ZSWIM9: variants seen among roughly 807,000 people sequenced by gnomAD.
ZSWIM9 encodes uncharacterized protein ZSWIM9.
In ZSWIM9, 11 loss-of-function variants were observed where a neutral mutation model predicts 25.0. The observed-to-expected ratio is 0.44, with a 90% CI of 0.28 to 0.73. The LOEUF (loss-of-function observed/expected upper bound fraction) is 0.73, where lower values mean the gene tolerates loss of function less well. ZSWIM9 is among the 30% of genes least tolerant of loss of function. The pLI is 0.16. For missense variants in ZSWIM9, 1,070 were observed against 1,296.5 expected (o/e 0.83, Z 2.68); for synonymous variants, 562 against 582.1 (o/e 0.97, Z 0.50).
intron 3 of ZSWIM9, among the ~76,000 whole-genome samples, chr19:48,187,439 TA>T (rs1479609227): frequency 1.0e-5 from 1 of 99,406 alleles, no homozygotes; most frequent in Non-Finnish European, 1.9e-5. Flanking sequence ...TTATATTATA[TA>T]TATTATATAT....
At chr19:48,184,671 C>T (rs1468837103) in intron 3 of ZSWIM9, among the ~76,000 whole-genome samples, 1 of 152,164 alleles carries the variant, frequency 6.6e-6, no homozygotes, top group Non-Finnish European at 1.5e-5. Context: ...AGGCACTACC[C>T]TAAGTGCTTT....
In ZSWIM9 at chr19:48,197,525, A is replaced by C. The variant is rs904262414; in HGVS notation, c.*698A>C. ...CCCATCGCCTTCTGAAGAGAGAGGG[A>C]GGGCGGGCACTGGGGGTCAGGAGAG... On this transcript the variant is annotated 3_prime_UTR_variant, in exon 4 of 4. Coordinates refer to ENST00000614654, the MANE Select transcript of ZSWIM9 (RefSeq NM_199341.4). 1.1e-5 allele frequency: 5 copies of C among 469,278 alleles called. No homozygotes were observed. Among genetic ancestry groups the C allele is most frequent in the Non-Finnish European group, 7.7e-6 (2 of 258,762 alleles). The allele number at this position is 469,278 out of a possible 1,614,324, so 29.1% of individuals were successfully genotyped here.
Position 48,194,978 on chromosome 19 carries a change from T to G in ZSWIM9, c.914T>G (p.Val305Gly). The change falls in exon 4 of 4, where the codon GTG becomes GGG. Residue 305 changes from valine to glycine, a missense_variant. This residue lies in a region of ZSWIM9 where 184 missense variants were observed against 243.1 expected (regional missense o/e 0.76). Coordinates refer to ENST00000614654, the MANE Select transcript of ZSWIM9 (RefSeq NM_199341.4). The surrounding 1 kb of genome is among the most constrained non-coding windows in gnomAD (Gnocchi z 6.0). The stretch of plus-strand genomic sequence containing the variant: ...GAGGTGGCGGCGCAGTTGCCTGCAG[T>G]GCGCCAGCTGCTGCCCTGCGCGCGC... ...GPEVAAQLPA[V>G]RQLLPCARVQ... 7.5e-7 allele frequency: 1 copy of G among 1,330,996 alleles called. No individual in the cohort carries two copies. The highest frequency in any genetic ancestry group is 9.6e-7 in the Non-Finnish European group (1 of 1,044,308). The allele number at this position is 1,330,996 out of a possible 1,614,324, so 82.4% of individuals were successfully genotyped here.
chr19:48,182,654 G>A lies in ZSWIM9; in HGVS notation c.475G>A (p.Val159Met), dbSNP rs554530073. Reference sequence around the variant, plus strand: ...CACCAACAAGATCTCCAAGCAGTTCGTGGCCCCAGCCGACGTGCGCCGCCT... The same window carrying A: ...CACCAACAAGATCTCCAAGCAGTTCATGGCCCCAGCCGACGTGCGCCGCCT... The part of the protein sequence containing the change: ...RTTNKISKQF[V>M]APADVRRLLS... The change falls in exon 3 of 4, where the codon GTG becomes ATG. Residue 159 changes from valine to methionine, a missense_variant. Val to Met is a conservative substitution (Grantham distance 21). Around this residue, in one of 4 missense-constraint regions of ZSWIM9, gnomAD observed 265 missense variants for 339.0 expected, o/e 0.78. Coordinates refer to ENST00000614654, the MANE Select transcript of ZSWIM9 (RefSeq NM_199341.4). This position sits in a 1 kb window ranked among gnomAD's most constrained non-coding sequence, Gnocchi z 4.6. The A allele has an allele frequency of 4.6e-6, 7 of 1,535,784 alleles. No homozygotes were observed. Among genetic ancestry groups the A allele is most frequent in the South Asian group, 2.4e-5 (2 of 84,056 alleles).
At chr19:48,170,817 G>A (rs1399861937) in intron 1 of ZSWIM9, 103 bp downstream of exon 1, 1 of 166,316 alleles carries the variant, frequency 6.0e-6, no homozygotes, top group Non-Finnish European at 1.3e-5. Context: ...GGGGAGGGGG[G>A]GAGTAGGAGG....
intron 2 of ZSWIM9, among the ~76,000 whole-genome samples, chr19:48,175,923 T>C (rs941544719): frequency 5.9e-5 from 9 of 152,154 alleles, no homozygotes; most frequent in African/African-American, 1.7e-4. Context: ...AATAAATGGG[T>C]AGTCGGGTGC....
chr19:48,184,815 A>C (rs182260646), intron 3 of ZSWIM9, among the ~76,000 whole-genome samples: 1 of 152,322 alleles, frequency 6.6e-6, no homozygotes, highest in East Asian at 1.9e-4. Flanking sequence ...ACAGCTATTT[A>C]GTGACAGAGC....
Position 48,182,324 on chromosome 19 carries a change from T to G in ZSWIM9, c.276-131T>G. On this transcript the variant is annotated intron_variant, in intron 2 of 3. Transcript: ENST00000614654. This position sits in a 1 kb window ranked among gnomAD's most constrained non-coding sequence, Gnocchi z 4.6. ...CTTGCCCCAGGTCACACAGCTGGCA[T>G]ATTCTTAGGGCCCTCTACTCTTCTC... is the stretch of plus-strand genomic sequence containing the variant. The G allele has an allele frequency of 1.3e-6, 1 of 761,446 alleles. No individual in the cohort carries two copies. Among genetic ancestry groups the G allele is most frequent in the East Asian group, 2.7e-5 (1 of 36,916 alleles). 47.2% of individuals were successfully genotyped at this position (761,446 alleles called of 1,614,324 possible). A position where few individuals can be genotyped will look rare whatever the true frequency, so the allele number is the denominator to read the frequency against.
At position 48,182,343 on chromosome 19, in the gene ZSWIM9, T is replaced by A. The variant is rs1398623799; in HGVS notation, c.276-112T>A. On this transcript the variant is annotated intron_variant, in intron 2 of 3. Transcript: ENST00000614654. The surrounding 1 kb of genome is among the most constrained non-coding windows in gnomAD (Gnocchi z 4.6). ...CTGGCATATTCTTAGGGCCCTCTAC[T>A]CTTCTCTATGCCTGAAACAATTCTT... is the stretch of plus-strand genomic sequence containing the variant. The A allele has an allele frequency of 1.1e-6, 1 of 931,920 alleles. No individual in the cohort carries two copies. Among genetic ancestry groups the A allele is most frequent in the Non-Finnish European group, 1.6e-6 (1 of 640,768 alleles). 57.7% of individuals were successfully genotyped at this position (931,920 alleles called of 1,614,324 possible).
chr19:48,184,758 C>T (rs1272291639), intron 3 of ZSWIM9, among the ~76,000 whole-genome samples: 1 of 152,216 alleles, frequency 6.6e-6, no homozygotes, highest in African/African-American at 2.4e-5. Context: ...ATTTTACAGA[C>T]AAGGAAACTG....
At chr19:48,174,512 G>A (rs922955768) in intron 2 of ZSWIM9, among the ~76,000 whole-genome samples, 3 of 152,148 alleles carry the variant, frequency 2.0e-5, no homozygotes, top group Admixed American at 6.6e-5. Flanking sequence ...TCACCTTTCT[G>A]TGGCCTCAGT....
rs2037181506 is a variant in ZSWIM9, at chr19:48,197,381, G to T, written c.*554G>T. The T allele has an allele frequency of 1.5e-6, 1 of 656,778 alleles. No individual in the cohort carries two copies. Among genetic ancestry groups the T allele is most frequent in the East Asian group, 2.7e-5 (1 of 36,698 alleles). The allele number at this position is 656,778 out of a possible 1,614,324, so 40.7% of individuals were successfully genotyped here. On this transcript the variant is annotated 3_prime_UTR_variant, in exon 4 of 4. Transcript: ENST00000614654. Reference sequence around the variant, plus strand: ...GGGGGAAGCAGGAGAGGAAGGGACGGGATGTAGGAGGGGGAAGAAAAATCG... The same window carrying T: ...GGGGGAAGCAGGAGAGGAAGGGACGTGATGTAGGAGGGGGAAGAAAAATCG...
intron 3 of ZSWIM9, among the ~76,000 whole-genome samples, chr19:48,188,227 C>CTT (rs796510651): frequency 2.1e-5 from 3 of 144,670 alleles, no homozygotes; most frequent in Admixed American, 7.0e-5. Flanking sequence ...GTGTTAATAC[C>CTT]TTTTTTTTTT....
In ZSWIM9 at chr19:48,196,363, T is replaced by C. The variant is rs559387397; in HGVS notation, c.2299T>C (p.Ser767Pro). 2.1e-4 allele frequency: 253 copies of C among 1,232,220 alleles called. 2 individuals carry two copies. In the African/African-American group the frequency reaches 3.5e-3, roughly 17 times the overall value. 76.3% of individuals were successfully genotyped at this position (1,232,220 alleles called of 1,614,324 possible). A position where few individuals can be genotyped will look rare whatever the true frequency, so the allele number is the denominator to read the frequency against. ...RCLGLGNGVVSGTPVGTVLEG... is the reference protein window; with the variant it reads ...RCLGLGNGVVPGTPVGTVLEG... ...TCTAGGGCTGGGGAATGGAGTCGTG[T>C]CTGGCACCCCGGTGGGGACTGTATT... The change falls in exon 4 of 4, where the codon TCT becomes CCT. Residue 767 changes from serine (S) to proline (P), a missense_variant. By Grantham distance (74) the Ser-to-Pro change is moderately conservative. Transcript: ENST00000614654.
chr19:48,196,743 C>T lies in ZSWIM9; in HGVS notation c.2679C>T (p.Leu893=), dbSNP rs952956395. ...CCCGCCGTCTGCCCTGCAGACACCT[C>T]TTTGCAGCGCGCCTCCTCACTGGGG... is the stretch of plus-strand genomic sequence containing the variant. The part of the protein sequence containing the change: ...HAARRLPCRH[L]FAARLLTGAA... The change falls in exon 4 of 4, where the codon CTC becomes CTT. Residue 893 remains leucine, a synonymous_variant. Transcript: ENST00000614654. The T allele has an allele frequency of 2.9e-4, 362 of 1,233,446 alleles. No individual in the cohort carries two copies. Among genetic ancestry groups the T allele is most frequent in the Non-Finnish European group, 3.4e-4 (341 of 988,976 alleles). The allele number at this position is 1,233,446 out of a possible 1,614,324, so 76.4% of individuals were successfully genotyped here.
chr19:48,191,092 ATGTGTGTGTG>A (rs940221946), intron 3 of ZSWIM9, among the ~76,000 whole-genome samples: 1,918 of 96,534 alleles, frequency 0.02, 50 homozygotes, highest in African/African-American at 0.053. Context: ...GTGTATGTGT[ATGTGTGTGTG>A]TGTGTGTGTG....
chr19:48,180,085 C>T (rs749363739), intron 2 of ZSWIM9, among the ~76,000 whole-genome samples: 24 of 152,006 alleles, frequency 1.6e-4, no homozygotes, highest in Non-Finnish European at 2.9e-4. Context: ...GGTGCGATCT[C>T]GGCTCACCGC....
intron 2 of ZSWIM9, among the ~76,000 whole-genome samples, chr19:48,176,320 C>T (rs146464534): frequency 8.7e-4 from 132 of 152,250 alleles, no homozygotes; most frequent in Non-Finnish European, 1.6e-3. Context: ...TATGCACTAG[C>T]CCATTTCTAA....
intron 2 of ZSWIM9, 96 bp downstream of exon 2, chr19:48,172,173 G>T: frequency 7.8e-7 from 1 of 1,282,804 alleles, no homozygotes; most frequent in East Asian, 2.5e-5. Flanking sequence ...ACCCAGAGAT[G>T]CAGAGGGGGA....
Sources: allele counts gnomAD v4.1 joint callset (sites outside exome capture counted in the v4.1 genomes callset), GRCh38; gene constraint gnomAD v4.1.1; regional missense constraint gnomAD v4.1.1; non-coding constraint Gnocchi (gnomAD v3.1); transcripts MANE v1.5; gene names NCBI Gene and HGNC (gene_info 2026-07-23, HGNC 2026-07-21).